COL21A1: variants seen among roughly 807,000 people sequenced by gnomAD.
COL21A1 encodes the protein collagen type XXI alpha 1 chain, also known as collagen alpha-1(XXI) chain.
In COL21A1, 149 loss-of-function variants were observed where a neutral mutation model predicts 137.9. The observed-to-expected ratio is 1.08, with a 90% CI of 0.95 to 1.24. The LOEUF (loss-of-function observed/expected upper bound fraction) is 1.24. Among genes scored for constraint, COL21A1 ranks in the 50% most tolerant of loss-of-function variants. COL21A1 has a pLI of 0.00. For missense variants in COL21A1, 1,167 were observed against 1,158.4 expected, an observed-to-expected ratio of 1.01 and a Z score of -0.11; for synonymous variants, 456 against 391.5, an observed-to-expected ratio of 1.16 and a Z score of -1.95.
intron 1 of COL21A1, among the ~76,000 whole-genome samples, chr6:56,199,902 G>C (rs978803226): frequency 6.6e-6 from 1 of 152,148 alleles, no homozygotes; most frequent in Non-Finnish European, 1.5e-5. Flanking sequence ...GTTTGTGCCA[G>C]AGACTAAATA....
At chr6:56,070,849 A>G in intron 20 of COL21A1, 51 bp from the exon 21 acceptor site, 1 of 1,295,518 alleles carries the variant, frequency 7.7e-7, no homozygotes, top group African/African-American at 1.5e-5. Context: ...TTCTGTCATA[A>G]TATATCTGAT....
chr6:56,133,384 G>A (rs1158991146), intron 12 of COL21A1, among the ~76,000 whole-genome samples: 1 of 152,154 alleles, frequency 6.6e-6, no homozygotes, highest in East Asian at 1.9e-4. Flanking sequence ...TCTGGCAGAA[G>A]AAATTTCTAA....
intron 1 of COL21A1, among the ~76,000 whole-genome samples, chr6:56,349,598 T>A (rs1349884288): frequency 6.6e-6 from 1 of 152,228 alleles, no homozygotes; most frequent in Non-Finnish European, 1.5e-5. Flanking sequence ...TGCAGGACAC[T>A]GATTTTTAAT....
At chr6:56,217,957 C>G (rs1310863270) in intron 1 of COL21A1, among the ~76,000 whole-genome samples, 1 of 152,100 alleles carries the variant, frequency 6.6e-6, no homozygotes, top group Non-Finnish European at 1.5e-5. Flanking sequence ...CAAGCCAATT[C>G]TAATCTGTCT....
At chr6:56,089,644 T>C (rs140965710) in intron 17 of COL21A1, among the ~76,000 whole-genome samples, 159 of 152,338 alleles carry the variant, frequency 1.0e-3, no homozygotes, top group African/African-American at 3.7e-3. Flanking sequence ...CTTGATATCC[T>C]GTATACATGG....
chr6:56,164,794 AC>A lies in COL21A1; in HGVS notation c.1287+19del. 1 of 1,564,180 alleles carries A rather than the reference AC, an allele frequency of 6.4e-7. No homozygotes were observed. The highest frequency in any genetic ancestry group is 8.7e-7 in the Non-Finnish European group (1 of 1,151,056). On this transcript the variant is annotated intron_variant, in intron 8 of 29. Coordinates refer to ENST00000244728, the MANE Select transcript of COL21A1 (RefSeq NM_030820.4). Reference sequence around the variant, plus strand: ...CAATACAAATATTACCTTAAGGGGAACAATAGTATCCAAGCCTACCTCTCCA... The same window carrying A: ...CAATACAAATATTACCTTAAGGGGAAAATAGTATCCAAGCCTACCTCTCCA...
chr6:56,323,814 C>T (rs72871795), intron 1 of COL21A1, among the ~76,000 whole-genome samples: 8,527 of 152,078 alleles, frequency 0.056, 319 homozygotes, highest in Non-Finnish European at 0.083. Flanking sequence ...CTTAAGCATT[C>T]GGTGACTTTA....
rs531676625 is a variant in COL21A1 at position 56,150,445 on chromosome 6, G to A, written c.1434+6442C>T. On this transcript the variant is annotated intron_variant, in intron 10 of 29. Coordinates refer to ENST00000244728, the MANE Select transcript of COL21A1 (RefSeq NM_030820.4). ...AGGCAGGAGAATGGCGTGAACCTGG[G>A]AGGCGGAGCTTGCAGTGAGCCGAGA... 4.6e-4 allele frequency among the ~76,000 whole-genome samples: 70 copies of A among 152,182 alleles called. 2 individuals are homozygous for A. Among genetic ancestry groups the A allele is most frequent in the African/African-American group, 1.6e-3 (66 of 41,526 alleles).
At position 56,057,719 on chromosome 6, in the gene COL21A1, G is replaced by T; in HGVS notation, c.2812C>A (p.Pro938Thr). 6.2e-7 allele frequency: 1 copy of T among 1,613,010 alleles called. No individual in the cohort carries two copies. The highest frequency in any genetic ancestry group is 8.5e-7 in the Non-Finnish European group (1 of 1,179,530). ...GQPGPPGICD[P>T]SLCFSVIARR... is the part of the protein sequence containing the mutation. ...GCAATTACACTAAAACATAGTGATG[G>T]GTCGCAGATGCCTGGGGGGCCTGGT... Residue 938 changes from proline (P) to threonine (T), a missense_variant, in exon 30 of 30, where the codon CCA becomes ACA. Transcript: ENST00000244728.
intron 1 of COL21A1, among the ~76,000 whole-genome samples, chr6:56,354,057 T>C (rs188969129): frequency 2.0e-5 from 3 of 152,352 alleles, no homozygotes; most frequent in African/African-American, 7.2e-5. Context: ...TAACAGAGAA[T>C]GAACTATTGC....
At chr6:56,255,563 C>T (rs982726787) in intron 1 of COL21A1, among the ~76,000 whole-genome samples, 1 of 152,120 alleles carries the variant, frequency 6.6e-6, no homozygotes, top group Non-Finnish European at 1.5e-5. Context: ...TCCTGCTCTG[C>T]CAACATTTTT....
intron 1 of COL21A1, among the ~76,000 whole-genome samples, chr6:56,358,426 C>A (rs559792240): frequency 6.6e-6 from 1 of 152,062 alleles, no homozygotes; most frequent in Non-Finnish European, 1.5e-5. Flanking sequence ...ATTGATTTCA[C>A]GTCTGAATTT....
chr6:56,271,599 G>A (rs1045972789), intron 1 of COL21A1, among the ~76,000 whole-genome samples: 1 of 152,212 alleles, frequency 6.6e-6, no homozygotes, highest in African/African-American at 2.4e-5. Flanking sequence ...AAGTAACTAG[G>A]TGCTGAATAT....
chr6:56,293,139 T>C (rs1437145906), intron 1 of COL21A1, among the ~76,000 whole-genome samples: 1 of 152,178 alleles, frequency 6.6e-6, no homozygotes, highest in Non-Finnish European at 1.5e-5. Flanking sequence ...TTTCCGTATA[T>C]TTGTGCATGT....
intron 1 of COL21A1, among the ~76,000 whole-genome samples, chr6:56,192,212 A>C (rs1272640932): frequency 6.6e-6 from 1 of 152,238 alleles, no homozygotes; most frequent in Non-Finnish European, 1.5e-5. Flanking sequence ...AGATAGATTA[A>C]AGACTTAAAC....
intron 1 of COL21A1, among the ~76,000 whole-genome samples, chr6:56,227,031 A>C (rs1041418990): frequency 2.6e-5 from 4 of 151,944 alleles, no homozygotes; most frequent in Admixed American, 6.6e-5. Flanking sequence ...CCTCAAACGA[A>C]CTAAGAGAGC....
At chr6:56,151,250 A>G (rs1372342940) in intron 10 of COL21A1, among the ~76,000 whole-genome samples, 4 of 152,134 alleles carry the variant, frequency 2.6e-5, no homozygotes, top group Admixed American at 2.0e-4. Flanking sequence ...AAACAAACAA[A>G]AAAAGAGTAA....
At chr6:56,101,852 T>C (rs1582358441) in intron 16 of COL21A1, among the ~76,000 whole-genome samples, 1 of 152,156 alleles carries the variant, frequency 6.6e-6, no homozygotes, top group African/African-American at 2.4e-5. Flanking sequence ...GTCCTATTCA[T>C]ATATACTTTT....
At position 56,123,520 on chromosome 6, in the gene COL21A1, C is replaced by T. The variant is rs187762053; in HGVS notation, c.1758+542G>A. Among the ~76,000 whole-genome samples, 134 of 152,284 alleles carry T rather than the reference C, an allele frequency of 8.8e-4. 1 individual carries two copies. Among genetic ancestry groups the T allele is most frequent in the African/African-American group, 3.0e-3 (125 of 41,562 alleles). ...ATGATTGACCAAATGGCCTCTTCAG[C>T]TCTGATGGCTTATACAAATCTTCTC... On this transcript the variant is annotated intron_variant, in intron 16 of 29. Transcript: ENST00000244728.
Sources: gnomAD v4.1 joint callset for allele counts (sites outside exome capture counted in the v4.1 genomes callset) on GRCh38, gnomAD v4.1.1 for gene constraint, MANE v1.5 for transcripts, NCBI Gene and HGNC (gene_info 2026-07-23, HGNC 2026-07-21) for gene names.